MCAM: variants seen among roughly 807,000 people sequenced by gnomAD.
MCAM encodes melanoma cell adhesion molecule.
MCAM carries 55 observed loss-of-function variants against 79.1 expected under a neutral mutation model. The observed-to-expected ratio is 0.70, with a 90% CI of 0.56 to 0.87. The LOEUF (loss-of-function observed/expected upper bound fraction) is 0.87, where lower values mean the gene tolerates loss of function less well. MCAM is among the 40% of genes least tolerant of loss of function. The pLI is 0.00. For synonymous variants in MCAM, 330 were observed against 339.8 expected, an observed-to-expected ratio of 0.97 and a Z score of 0.32; for missense variants, 745 against 839.8, an observed-to-expected ratio of 0.89 and a Z score of 1.40.
At chr11:119,313,216 C>A in intron 5 of MCAM, 1 of 1,438,930 alleles carries the variant, frequency 6.9e-7, no homozygotes, top group Non-Finnish European at 9.2e-7. Flanking sequence ...GTCTAGATGT[C>A]CACTAAATGG....
Position 119,315,367 on chromosome 11 carries a change from T to C in MCAM, c.68-104A>G. 1 of 1,419,406 alleles carries C rather than the reference T, an allele frequency of 7.0e-7. No homozygotes were observed. Among genetic ancestry groups the C allele is most frequent in the Non-Finnish European group, 9.5e-7 (1 of 1,055,646 alleles). 87.9% of individuals were successfully genotyped at this position (1,419,406 alleles called of 1,614,324 possible). A position where few individuals can be genotyped will look rare whatever the true frequency, so the allele number is the denominator to read the frequency against. On this transcript the variant is annotated intron_variant, in intron 1 of 15. Coordinates refer to ENST00000264036, the MANE Select transcript of MCAM (RefSeq NM_006500.3). The surrounding 1 kb of genome is among the most constrained non-coding windows in gnomAD (Gnocchi z 4.4). ...GCTGTTTTTCCTGCCACTCAGAGGG[T>C]CTGCAGAGGGCCCTGTCCTCTGAAC...
At position 119,311,257 on chromosome 11, in the gene MCAM, C is replaced by T. The variant is rs756855138; in HGVS notation, c.1549+23G>A. 23 of 1,613,804 alleles carry T rather than the reference C, an allele frequency of 1.4e-5. No individual in the cohort carries two copies. The highest frequency in any genetic ancestry group is 1.9e-5 in the Non-Finnish European group (22 of 1,179,812). The stretch of plus-strand genomic sequence containing the variant: ...CGTGCCTGGGCCTGCCCCTGCCATC[C>T]CCTGCAGGGATGCAGCCCTCACCCA... On this transcript the variant is annotated intron_variant, in intron 12 of 15. Coordinates refer to ENST00000264036, the MANE Select transcript of MCAM (RefSeq NM_006500.3). The surrounding 1 kb of genome is among the most constrained non-coding windows in gnomAD (Gnocchi z 4.4).
chr11:119,309,755 C>T lies in MCAM; in HGVS notation c.*131G>A. ...CCTCAGGTCCTAACCCAGTGGCCCT[C>T]TGAAAGGGGGTGTGCAGGCGAGGGG... On this transcript the variant is annotated 3_prime_UTR_variant, in exon 16 of 16. Coordinates refer to ENST00000264036, the MANE Select transcript of MCAM (RefSeq NM_006500.3). 1.0e-6 allele frequency: 1 copy of T among 974,928 alleles called. No individual in the cohort carries two copies. The allele number at this position is 974,928 out of a possible 1,614,324, so 60.4% of individuals were successfully genotyped here.
In MCAM at chr11:119,310,791, G is replaced by A; in HGVS notation, c.1758C>T (p.Gly586=). 6.2e-7 allele frequency: 1 copy of A among 1,614,122 alleles called. No homozygotes were observed. Among genetic ancestry groups the A allele is most frequent in the Non-Finnish European group, 8.5e-7 (1 of 1,180,020 alleles). ...TCCCTGAGCGCCTGCACGGCAGCTT[G>A]CCCTTCTTATAGAGGAAATAGAGGA... ...GAVLYFLYKK[G]KLPCRRSGKQ... Residue 586 remains glycine (G), a synonymous_variant, in exon 14 of 16, where the codon GGC becomes GGT. Coordinates refer to ENST00000264036, the MANE Select transcript of MCAM (RefSeq NM_006500.3).
Position 119,312,873 on chromosome 11 carries a change from C to T in MCAM, c.636G>A (p.Leu212=). The T allele has an allele frequency of 6.2e-7, 1 of 1,614,182 alleles. No homozygotes were observed. The highest frequency in any genetic ancestry group is 8.5e-7 in the Non-Finnish European group (1 of 1,180,036). ...YTLQSILKAQ[L]VKEDKDAQFY... ...ACTGGGCATCTTTGTCTTCTTTAAC[C>T]AGCTGTGCCTTCAGAATACTCTGCA... The change falls in exon 6 of 16, where the codon CTG becomes CTA. Residue 212 remains leucine (L), a synonymous_variant. Coordinates refer to ENST00000264036, the MANE Select transcript of MCAM (RefSeq NM_006500.3). This position sits in a 1 kb window ranked among gnomAD's most constrained non-coding sequence, Gnocchi z 4.9.
At chr11:119,314,798 C>T (rs1474984100) in intron 3 of MCAM, 35 bp downstream of exon 3, 1 of 1,613,520 alleles carries the variant, frequency 6.2e-7, no homozygotes, top group Non-Finnish European at 8.5e-7. Flanking sequence ...TCCCACCACC[C>T]TCACTACCCT....
chr11:119,312,234 G>A lies in MCAM; in HGVS notation c.1024+32C>T, dbSNP rs373982939. 1.7e-5 allele frequency: 28 copies of A among 1,612,688 alleles called. No individual in the cohort carries two copies. The Admixed American group carries it at 4.5e-4, about 26-fold the overall frequency. On this transcript the variant is annotated intron_variant, in intron 8 of 15. Transcript: ENST00000264036. This position sits in a 1 kb window ranked among gnomAD's most constrained non-coding sequence, Gnocchi z 4.9. ...GGCCAGTTCCCTATTGCCCCAGCCT[G>A]GTCCCCCTGTCCTGGGTCCCCAGCC... is the stretch of plus-strand genomic sequence containing the variant.
At position 119,310,872 on chromosome 11, in the gene MCAM, G is replaced by C. The variant is rs146231211; in HGVS notation, c.1677C>G (p.Gly559=). 5.4e-5 allele frequency: 87 copies of C among 1,614,156 alleles called. No homozygotes were observed. Among genetic ancestry groups the C allele is most frequent in the Non-Finnish European group, 7.4e-5 (87 of 1,180,028 alleles). Residue 559 remains glycine (G), a synonymous_variant, in exon 14 of 16, where the codon GGC becomes GGG. Coordinates refer to ENST00000264036, the MANE Select transcript of MCAM (RefSeq NM_006500.3). Reference sequence around the variant, plus strand: ...ACACAATCACAGCCACGATGACCACGCCCCGGCTCTCCGGCTCCGGCAGCT... The same window carrying C: ...ACACAATCACAGCCACGATGACCACCCCCCGGCTCTCCGGCTCCGGCAGCT... ...ERKLPEPESR[G]VVIVAVIVCI... is the part of the protein sequence containing the mutation.
At position 119,312,834 on chromosome 11, in the gene MCAM, G is replaced by T. The variant is rs777316454; in HGVS notation, c.675C>A (p.Leu225=). 2.1e-5 allele frequency: 34 copies of T among 1,614,182 alleles called. No homozygotes were observed. The highest frequency in any genetic ancestry group is 2.9e-5 in the Non-Finnish European group (34 of 1,180,034). Residue 225 remains leucine (L), a synonymous_variant, in exon 6 of 16, where the codon CTC becomes CTA. Coordinates refer to ENST00000264036, the MANE Select transcript of MCAM (RefSeq NM_006500.3). This position sits in a 1 kb window ranked among gnomAD's most constrained non-coding sequence, Gnocchi z 4.9. ...GGTTCCCACTGGGCAGCCGGTAGTTGAGCTCACAGTAAAACTGGGCATCTT... is the reference window on the plus strand; with the variant it reads ...GGTTCCCACTGGGCAGCCGGTAGTTTAGCTCACAGTAAAACTGGGCATCTT... ...EDKDAQFYCE[L]NYRLPSGNHM...
chr11:119,310,839 C>T lies in MCAM; in HGVS notation c.1710G>A (p.Leu570=), dbSNP rs561613315. The part of the protein sequence containing the change: ...VVIVAVIVCI[L]VLAVLGAVLY... ...GGACAGCGCCCAGCACCGCCAGGAC[C>T]AGGATGCACACAATCACAGCCACGA... Residue 570 remains leucine (L), a synonymous_variant, in exon 14 of 16, where the codon CTG becomes CTA. Coordinates refer to ENST00000264036, the MANE Select transcript of MCAM (RefSeq NM_006500.3). 4.3e-6 allele frequency: 7 copies of T among 1,614,208 alleles called. No individual in the cohort carries two copies. Among genetic ancestry groups the T allele is most frequent in the African/African-American group, 4.0e-5 (3 of 75,060 alleles).
Position 119,310,783 on chromosome 11 carries a change from G to A in MCAM, c.1766C>T (p.Pro589Leu), listed in dbSNP as rs1036616901. The change falls in exon 14 of 16, where the codon CCG becomes CTG. Residue 589 changes from proline to leucine, a missense_variant. By Grantham distance (98) the Pro-to-Leu change is moderately conservative (BLOSUM62 -3). Coordinates refer to ENST00000264036, the MANE Select transcript of MCAM (RefSeq NM_006500.3). ...CTCCTGCTTCCCTGAGCGCCTGCAC[G>A]GCAGCTTGCCCTTCTTATAGAGGAA... ...LYFLYKKGKL[P>L]CRRSGKQEIT... The A allele has an allele frequency of 3.7e-6, 6 of 1,614,068 alleles. No individual in the cohort carries two copies. Among genetic ancestry groups the A allele is most frequent in the Middle Eastern group, 1.6e-4 (1 of 6,062 alleles).
Position 119,315,215 on chromosome 11 carries a change from T to G in MCAM, c.116A>C (p.Glu39Ala), listed in dbSNP as rs1451233168. Reference protein sequence around the residue: ...EQPAPELVEVEVGSTALLKCG... With the variant: ...EQPAPELVEVAVGSTALLKCG... ...CTTCAGAAGGGCTGTGCTGCCCACT[T>G]CCACCTCCACCAGCTCAGGCGCAGG... Residue 39 changes from glutamate (E) to alanine (A), a missense_variant, in exon 2 of 16, where the codon GAA becomes GCA. Transcript: ENST00000264036. This position sits in a 1 kb window ranked among gnomAD's most constrained non-coding sequence, Gnocchi z 4.4. The G allele has an allele frequency of 6.2e-7, 1 of 1,612,576 alleles. No individual in the cohort carries two copies. Among genetic ancestry groups the G allele is most frequent in the Non-Finnish European group, 8.5e-7 (1 of 1,179,956 alleles).
chr11:119,309,663 A>C lies in MCAM; in HGVS notation c.*223T>G. On this transcript the variant is annotated 3_prime_UTR_variant, in exon 16 of 16. Coordinates refer to ENST00000264036, the MANE Select transcript of MCAM (RefSeq NM_006500.3). Reference sequence around the variant, plus strand: ...GGGCTCCTTGCTTGGGATGAGCTTCACTCAACGTGGAGGAGATGGTGGTGG... The same window carrying C: ...GGGCTCCTTGCTTGGGATGAGCTTCCCTCAACGTGGAGGAGATGGTGGTGG... 2.1e-6 allele frequency: 1 copy of C among 476,362 alleles called. No homozygotes were observed. The allele number at this position is 476,362 out of a possible 1,614,324, so 29.5% of individuals were successfully genotyped here.
intron 5 of MCAM, 138 bp downstream of exon 5, chr11:119,314,351 A>G (rs974028097): frequency 1.4e-6 from 1 of 731,232 alleles, no homozygotes; most frequent in Non-Finnish European, 2.3e-6. Context: ...AGACAGGGTC[A>G]CCCTATGTTG....
chr11:119,315,032 C>T lies in MCAM; in HGVS notation c.201G>A (p.Lys67=), dbSNP rs147146316. The T allele has an allele frequency of 3.8e-5, 61 of 1,608,356 alleles. No homozygotes were observed. The Middle Eastern group carries it at 6.6e-4, about 17-fold the overall frequency. The part of the protein sequence containing the change: ...LSHVDWFSVH[K]EKRTLIFRVR... ...CACGGAAGATGAGCGTCCGCTTCTC[C>T]TTGTGGACCTAATGGGAGGAGACAC... Residue 67 remains lysine, a synonymous_variant, in exon 3 of 16, where the codon AAG becomes AAA. Transcript: ENST00000264036. This position sits in a 1 kb window ranked among gnomAD's most constrained non-coding sequence, Gnocchi z 4.4.
chr11:119,310,881 C>G lies in MCAM; in HGVS notation c.1668G>C (p.Glu556Asp), dbSNP rs760226793. 2 of 1,614,198 alleles carry G rather than the reference C, an allele frequency of 1.2e-6. No individual in the cohort carries two copies. Among genetic ancestry groups the G allele is most frequent in the Admixed American group, 3.3e-5 (2 of 60,032 alleles). The change falls in exon 14 of 16, where the codon GAG (glutamate) becomes GAC (aspartate). Residue 556 changes from glutamate (E) to aspartate (D), a missense_variant. Glu to Asp is a conservative substitution (Grantham distance 45). Transcript: ENST00000264036. ...TSTERKLPEP[E>D]SRGVVIVAVI... ...CAGCCACGATGACCACGCCCCGGCT[C>G]TCCGGCTCCGGCAGCTTTCTCTCTG...
rs540905324 is a variant in MCAM, at chr11:119,316,085, C to A, written c.68-822G>T. ...GCTAGAAGAGCAGGGCAGGGTGGAG[C>A]TGGACCGGCTGCAACTGTGGAGCCC... On this transcript the variant is annotated intron_variant, in intron 1 of 15. Transcript: ENST00000264036. This position sits in a 1 kb window ranked among gnomAD's most constrained non-coding sequence, Gnocchi z 4.8. 1 of 152,738 alleles carries A rather than the reference C, an allele frequency of 6.5e-6. No homozygotes were observed. 9.5% of individuals were successfully genotyped at this position (152,738 alleles called of 1,614,324 possible).
chr11:119,314,285 A>C (rs757636715), intron 5 of MCAM: 1 of 555,966 alleles, frequency 1.8e-6, no homozygotes. Context: ...CCTCCCAAGT[A>C]TCTGGGACCA....
Position 119,314,713 on chromosome 11 carries a change from A to G in MCAM, c.437T>C (p.Leu146Pro). 6.2e-7 allele frequency: 1 copy of G among 1,613,962 alleles called. No individual in the cohort carries two copies. Among genetic ancestry groups the G allele is most frequent in the Non-Finnish European group, 8.5e-7 (1 of 1,179,998 alleles). Residue 146 changes from leucine to proline, a missense_variant, in exon 4 of 16, where the codon CTG becomes CCG. Physicochemically the swap from Leu to Pro is moderately conservative, Grantham distance 98. Coordinates refer to ENST00000264036, the MANE Select transcript of MCAM (RefSeq NM_006500.3). ...PEEPNIQVNP[L>P]GIPVNSKEPE... is the part of the protein sequence containing the mutation. ...CTCCTTACTGTTCACAGGGATGCCC[A>G]GGGGGTTGACCTGGATGTTTGGCTC...
Sources: allele counts gnomAD v4.1 joint callset, GRCh38; gene constraint gnomAD v4.1.1; non-coding constraint Gnocchi (gnomAD v3.1); transcripts MANE v1.5; gene names NCBI Gene and HGNC (gene_info 2026-07-23, HGNC 2026-07-21).